The following TNKS variants were observed in gnomAD, a reference collection of about 807,000 sequenced individuals.
The protein encoded by TNKS is poly [ADP-ribose] polymerase tankyrase-1.
Under a neutral mutation model 135.8 loss-of-function variants are expected in TNKS, and 72 were observed. The observed-to-expected ratio is 0.53, with a 90% CI of 0.44 to 0.64. TNKS has a LOEUF of 0.64. TNKS is among the 30% of genes least tolerant of loss of function. The pLI, the probability that TNKS is intolerant of heterozygous loss-of-function variation, is 0.00. For synonymous variants in TNKS, 849 were observed against 649.3 expected, an observed-to-expected ratio of 1.31 and a Z score of -4.68; for missense variants, 1,769 against 1,674.0, an observed-to-expected ratio of 1.06 and a Z score of -0.99.
intron 20 of TNKS, among the ~76,000 whole-genome samples, chr8:9,754,824 A>G (rs553636846): frequency 6.6e-6 from 1 of 152,286 alleles, no homozygotes; most frequent in African/African-American, 2.4e-5. Flanking sequence ...ACTGCTGTCT[A>G]TAAAATCATT....
In TNKS at chr8:9,781,742, T is replaced by C. The variant is rs755318369; in HGVS notation, c.*5006T>C. The C allele has an allele frequency of 6.6e-6, 1 of 152,664 alleles. No homozygotes were observed. The highest frequency in any genetic ancestry group is 1.5e-5 in the Non-Finnish European group (1 of 68,040). 9.5% of individuals were successfully genotyped at this position (152,664 alleles called of 1,614,324 possible). Reference sequence around the variant, plus strand: ...GCAACAGCACTCGGAGTAGTAATTGTGTTTTCTCATTGTGATGTTGGTCTG... The same window carrying C: ...GCAACAGCACTCGGAGTAGTAATTGCGTTTTCTCATTGTGATGTTGGTCTG... On this transcript the variant is annotated 3_prime_UTR_variant, in exon 27 of 27. Transcript: ENST00000310430.
chr8:9,654,130 GA>G (rs1362848663), intron 3 of TNKS, among the ~76,000 whole-genome samples: 1 of 152,196 alleles, frequency 6.6e-6, no homozygotes, highest in African/African-American at 2.4e-5. Flanking sequence ...TCTGCAGATA[GA>G]GTGTGATGAT....
intron 1 of TNKS, among the ~76,000 whole-genome samples, chr8:9,572,079 G>A (rs1420069392): frequency 6.6e-6 from 1 of 152,146 alleles, no homozygotes; most frequent in Non-Finnish European, 1.5e-5. Flanking sequence ...TTTGTACTGA[G>A]TTAATTCATG....
intron 1 of TNKS, among the ~76,000 whole-genome samples, chr8:9,561,172 C>T (rs538957937): frequency 1.3e-5 from 2 of 152,270 alleles, no homozygotes; most frequent in South Asian, 4.1e-4. Context: ...ATCTGTGCAG[C>T]TTCTCCAAAT....
chr8:9,651,119 T>G (rs1159565301), intron 3 of TNKS, among the ~76,000 whole-genome samples: 1 of 152,218 alleles, frequency 6.6e-6, no homozygotes, highest in Non-Finnish European at 1.5e-5. Context: ...GAAGATCAGT[T>G]GGCTGTGAGT....
chr8:9,659,359 A>G (rs1801583517), intron 3 of TNKS, among the ~76,000 whole-genome samples: 1 of 152,208 alleles, frequency 6.6e-6, no homozygotes, highest in African/African-American at 2.4e-5. Flanking sequence ...AGCAAATGTA[A>G]AAGAACAGAA....
intron 1 of TNKS, among the ~76,000 whole-genome samples, chr8:9,576,465 T>C (rs1178968095): frequency 2.0e-5 from 3 of 147,202 alleles, no homozygotes; most frequent in African/African-American, 7.5e-5. Flanking sequence ...ACCACCCCCC[T>C]CTTTTTTTTT....
At chr8:9,579,820 A>G (rs1476555122) in intron 1 of TNKS, among the ~76,000 whole-genome samples, 1 of 152,168 alleles carries the variant, frequency 6.6e-6, no homozygotes, top group Non-Finnish European at 1.5e-5. Context: ...GAGTTTCTAT[A>G]TACAGTTTTG....
intron 3 of TNKS, among the ~76,000 whole-genome samples, chr8:9,618,632 A>T (rs771497433): frequency 6.6e-6 from 1 of 152,192 alleles, no homozygotes; most frequent in African/African-American, 2.4e-5. Flanking sequence ...TGTAAATGTT[A>T]TTGAAGAGCA....
intron 21 of TNKS, 21 bp from the exon 22 acceptor site, chr8:9,763,126 G>GTTAAT: frequency 9.7e-7 from 1 of 1,028,250 alleles, no homozygotes; most frequent in Middle Eastern, 2.3e-4. Flanking sequence ...TGTTTTATAT[G>GTTAAT]TTAATTTTTC....
At position 9,735,027 on chromosome 8, in the gene TNKS, G is replaced by A; in HGVS notation, c.2476G>A (p.Glu826Lys). ...AAGAGTGCAGAAGCTCTGTACCCCA[G>A]AGAATATCAACTGCAGAGACACCCA... Reference protein sequence around the residue: ...LARVQKLCTPENINCRDTQGR... With the variant: ...LARVQKLCTPKNINCRDTQGR... The change falls in exon 16 of 27, where the codon GAG (glutamate) becomes AAG (lysine). Residue 826 changes from glutamate to lysine, a missense_variant. Coordinates refer to ENST00000310430, the MANE Select transcript of TNKS (RefSeq NM_003747.3). The A allele has an allele frequency of 6.2e-7, 1 of 1,614,184 alleles. No homozygotes were observed. Among genetic ancestry groups the A allele is most frequent in the Non-Finnish European group, 8.5e-7 (1 of 1,180,030 alleles).
At chr8:9,675,988 T>G (rs1197520997) in intron 3 of TNKS, among the ~76,000 whole-genome samples, 1 of 151,846 alleles carries the variant, frequency 6.6e-6, no homozygotes, top group East Asian at 1.9e-4. Context: ...GCATAATGGT[T>G]GAAAGAGAAA....
At chr8:9,565,312 A>G (rs952188752) in intron 1 of TNKS, among the ~76,000 whole-genome samples, 2 of 152,138 alleles carry the variant, frequency 1.3e-5, no homozygotes, top group Non-Finnish European at 2.9e-5. Flanking sequence ...AAGAGGGAAA[A>G]TAACGTGATG....
intron 1 of TNKS, chr8:9,556,941 G>C (rs568311570): frequency 8.2e-6 from 4 of 490,452 alleles, no homozygotes; most frequent in Middle Eastern, 1.1e-3. Flanking sequence ...CAGCTTTAGA[G>C]TAGTTTTGTC....
At chr8:9,636,840 C>A (rs1800530477) in intron 3 of TNKS, among the ~76,000 whole-genome samples, 1 of 152,164 alleles carries the variant, frequency 6.6e-6, no homozygotes, top group East Asian at 1.9e-4. Flanking sequence ...AATTAGCCTT[C>A]TTAGCTTTGT....
chr8:9,769,835 T>C (rs1807714512), intron 25 of TNKS, among the ~76,000 whole-genome samples: 2 of 152,008 alleles, frequency 1.3e-5, no homozygotes, highest in Non-Finnish European at 2.9e-5. Flanking sequence ...TTAGCCAGGA[T>C]GGTCTTGATC....
chr8:9,610,302 T>TATAA (rs5889291), intron 2 of TNKS, among the ~76,000 whole-genome samples: 30,660 of 150,904 alleles, frequency 0.2, 3,398 homozygotes, highest in East Asian at 0.29. Context: ...ATCTATAATA[T>TATAA]ATATATACTG....
At chr8:9,559,087 G>T (rs146705977) in intron 1 of TNKS, among the ~76,000 whole-genome samples, 1 of 152,138 alleles carries the variant, frequency 6.6e-6, no homozygotes, top group Non-Finnish European at 1.5e-5. Context: ...AGATGATCGG[G>T]TGTTAAATAC....
At chr8:9,749,599 T>C (rs1275212015) in intron 18 of TNKS, among the ~76,000 whole-genome samples, 3 of 152,022 alleles carry the variant, frequency 2.0e-5, no homozygotes, top group African/African-American at 7.2e-5. Flanking sequence ...CTCAATCTCC[T>C]GAGTAGCTGG....
Sources: allele counts gnomAD v4.1 joint callset (sites outside exome capture counted in the v4.1 genomes callset), GRCh38; gene constraint gnomAD v4.1.1; transcripts MANE v1.5; gene names NCBI Gene and HGNC (gene_info 2026-07-23, HGNC 2026-07-21).